PPP2R5C: variants seen among roughly 807,000 people sequenced by gnomAD.
The protein encoded by PPP2R5C is serine/threonine-protein phosphatase 2A 56 kDa regulatory subunit gamma isoform.
PPP2R5C carries 7 observed loss-of-function variants against 68.9 expected under a neutral mutation model. The ratio of observed to expected loss-of-function variants is 0.10; its 90% CI spans 0.06 to 0.19. The LOEUF (loss-of-function observed/expected upper bound fraction) is 0.19, where lower values mean the gene tolerates loss of function less well. PPP2R5C is among the 10% of genes least tolerant of loss of function. The pLI is 1.00. For synonymous variants in PPP2R5C, 210 were observed against 222.2 expected (o/e 0.95, Z 0.49); for missense variants, 348 against 641.3 (o/e 0.54, Z 4.94).
chr14:101,771,689 C>T (rs944666679), intron 2 of PPP2R5C, among the ~76,000 whole-genome samples: 4 of 151,994 alleles, frequency 2.6e-5, no homozygotes, highest in African/African-American at 7.3e-5. Context: ...GAGATCACAC[C>T]ACTGCACTCC....
chr14:101,861,835 A>G (rs2042758027), intron 2 of PPP2R5C, among the ~76,000 whole-genome samples: 1 of 152,206 alleles, frequency 6.6e-6, no homozygotes, highest in South Asian at 2.1e-4. Flanking sequence ...AAAATAAGCA[A>G]AATGAGAAAG....
chr14:101,865,095 G>A lies in PPP2R5C; in HGVS notation c.294+8210G>A, dbSNP rs1333916668. 3.3e-5 allele frequency among the ~76,000 whole-genome samples: 5 copies of A among 152,220 alleles called. No individual in the cohort carries two copies. In the East Asian group the frequency reaches 9.6e-4, roughly 29 times the overall value. On this transcript the variant is annotated intron_variant, in intron 2 of 13. Transcript: ENST00000334743. ...ACGCGCAGGTTTCTGACTTGAGCAA[G>A]TGGAATGCTGGTTCAGGGGAAAGAG...
chr14:101,850,318 A>AT (rs1566905219), intron 1 of PPP2R5C, among the ~76,000 whole-genome samples: 1 of 152,180 alleles, frequency 6.6e-6, no homozygotes, highest in Non-Finnish European at 1.5e-5. Context: ...CTCAAAAACC[A>AT]TTTTTTCTGT....
chr14:101,886,280 CAAAA>C (rs57167968), intron 5 of PPP2R5C, among the ~76,000 whole-genome samples: 5 of 103,962 alleles, frequency 4.8e-5, no homozygotes, highest in Non-Finnish European at 4.5e-5. Flanking sequence ...GACTCCGTCT[CAAAA>C]AAAAAAAAAA....
intron 1 of PPP2R5C, among the ~76,000 whole-genome samples, chr14:101,853,735 G>A (rs576162470): frequency 2.6e-5 from 4 of 152,210 alleles, no homozygotes; most frequent in East Asian, 3.9e-4. Context: ...GTTGGCTCTC[G>A]TACCTGTGTC....
intron 2 of PPP2R5C, among the ~76,000 whole-genome samples, chr14:101,767,572 C>CT (rs2036923028): frequency 1.3e-5 from 2 of 152,082 alleles, no homozygotes; most frequent in Non-Finnish European, 2.9e-5. Flanking sequence ...CTCTTCCCAC[C>CT]TTTTTTTCCA....
chr14:101,851,877 A>G lies in PPP2R5C; in HGVS notation c.95-4809A>G, dbSNP rs559835563. On this transcript the variant is annotated intron_variant, in intron 1 of 13. Coordinates refer to ENST00000334743, the Ensembl canonical transcript of PPP2R5C. ...GCCTCTTGGTGCATAGTGACAATTT[A>G]GTAATTCAGCCTTACTTCCTCATAT... Among the ~76,000 whole-genome samples the G allele has an allele frequency of 9.1e-4, 138 of 152,060 alleles. 1 individual carries two copies. The Middle Eastern group carries it at 0.02, about 22-fold the overall frequency.
chr14:101,770,646 T>A (rs931459265), intron 2 of PPP2R5C, among the ~76,000 whole-genome samples: 4 of 152,238 alleles, frequency 2.6e-5, no homozygotes, highest in African/African-American at 7.2e-5. Flanking sequence ...TTCCTCTCCC[T>A]CTTCAGTAAA....
At chr14:101,897,165 G>A (rs773942354) in intron 8 of PPP2R5C, among the ~76,000 whole-genome samples, 34 of 152,146 alleles carry the variant, frequency 2.2e-4, no homozygotes, top group Admixed American at 1.1e-3. Context: ...CCAAGGAAAT[G>A]TACCAAATCT....
intron 3 of PPP2R5C, among the ~76,000 whole-genome samples, chr14:101,793,655 A>T (rs1018601366): frequency 6.6e-6 from 1 of 152,220 alleles, no homozygotes; most frequent in African/African-American, 2.4e-5. Context: ...TCTGCCATCC[A>T]TGGATGACTT....
intron 2 of PPP2R5C, chr14:101,765,962 G>A (rs1263112517): frequency 6.6e-6 from 1 of 152,256 alleles, no homozygotes; most frequent in East Asian, 1.9e-4. Flanking sequence ...ACCTTCTGAT[G>A]GGACAGTTAC....
At chr14:101,805,197 C>G (rs559072227), upstream of PPP2R5C, among the ~76,000 whole-genome samples, 9 of 152,232 alleles carry the variant, frequency 5.9e-5, 1 homozygote, top group East Asian at 1.5e-3. Context: ...TCCTGAGTAG[C>G]TGGGCCTACA....
At chr14:101,867,269 C>T (rs533862800) in intron 2 of PPP2R5C, among the ~76,000 whole-genome samples, 64 of 151,008 alleles carry the variant, frequency 4.2e-4, no homozygotes, top group African/African-American at 1.4e-3. Context: ...GGTGTGGTGG[C>T]GCACGCCTGC....
At chr14:101,869,505 C>T (rs1047807272) in intron 2 of PPP2R5C, among the ~76,000 whole-genome samples, 6 of 152,172 alleles carry the variant, frequency 3.9e-5, no homozygotes, top group African/African-American at 1.4e-4. Context: ...AACTGCCAAA[C>T]CGTTTTCCAA....
exon 14 of PPP2R5C, chr14:101,925,451 C>G: frequency 8.8e-7 from 1 of 1,131,918 alleles, no homozygotes; most frequent in South Asian, 1.8e-5. Context: ...TGGTGACTTC[C>G]CAGAGCCCGC....
chr14:101,824,455 GCT>G (rs972054442), intron 1 of PPP2R5C: 1 of 171,700 alleles, frequency 5.8e-6, no homozygotes, highest in Non-Finnish European at 1.3e-5. Flanking sequence ...TTTTAATAAA[GCT>G]CTGCAAAGAT....
exon 14 of PPP2R5C, chr14:101,926,926 A>G (rs920273959): frequency 1.3e-5 from 2 of 152,154 alleles, no homozygotes; most frequent in Non-Finnish European, 2.9e-5. Context: ...AAAAGTGGAC[A>G]AGTCCGCTTT....
At position 101,797,041 on chromosome 14, in the gene PPP2R5C, A is replaced by G. The variant is rs2038644975; in HGVS notation, c.259+10858A>G. The G allele has an allele frequency of 2.4e-6, 1 of 417,318 alleles. No individual in the cohort carries two copies. The highest frequency in any genetic ancestry group is 2.5e-5 in the Admixed American group (1 of 40,316). 25.9% of individuals were successfully genotyped at this position (417,318 alleles called of 1,614,324 possible). A position where few individuals can be genotyped will look rare whatever the true frequency, so the allele number is the denominator to read the frequency against. On this transcript the variant is annotated intron_variant, in intron 3 of 14. Transcript: ENST00000328724. The surrounding 1 kb of genome is among the most constrained non-coding windows in gnomAD (Gnocchi z 4.2). ...CACCCATCACTACTATCTCTACCCAAAACTTTTCATCATCCCCAACAAAAA... is the reference window on the plus strand; with the variant it reads ...CACCCATCACTACTATCTCTACCCAGAACTTTTCATCATCCCCAACAAAAA...
rs775818748 is a variant in PPP2R5C, at chr14:101,919,969, C to CCAAAAAAAAAAAA, written c.1443+2022_1443+2023insCAAAAAAAAAAAA. 1.3e-4 allele frequency among the ~76,000 whole-genome samples: 7 copies of CCAAAAAAAAAAAA among 52,880 alleles called. 1 individual carries two copies. In the East Asian group the frequency reaches 2.4e-3, roughly 18 times the overall value. The allele number at this position is 52,880 out of a possible 152,430, so 34.7% of individuals were successfully genotyped here. Reference sequence around the variant, plus strand: ...GGGCAAGAAAAGCAAAACTCCGTCTCAAAAAAAAAAAAAAAAAAAAAAACC... The same window carrying CCAAAAAAAAAAAA: ...GGGCAAGAAAAGCAAAACTCCGTCTCCAAAAAAAAAAAAAAAAAAAAAAAAAAAAAAAAAAACC... On this transcript the variant is annotated intron_variant, in intron 13 of 13. Coordinates refer to ENST00000334743, the Ensembl canonical transcript of PPP2R5C.
Sources: allele counts gnomAD v4.1 joint callset (sites outside exome capture counted in the v4.1 genomes callset), GRCh38; gene constraint gnomAD v4.1.1; non-coding constraint Gnocchi (gnomAD v3.1); transcripts MANE v1.5; gene names NCBI Gene and HGNC (gene_info 2026-07-23, HGNC 2026-07-21).